Variants in ZNF99 observed in about 807,000 individuals in gnomAD.
The protein encoded by ZNF99 is zinc finger protein ENSP00000375192.
A neutral mutation model predicts 12.8 loss-of-function variants in ZNF99; 8 were observed. The observed-to-expected ratio is 0.62, with a 90% confidence interval of 0.37 to 1.13. The LOEUF (loss-of-function observed/expected upper bound fraction) is 1.13. Among genes scored for constraint, ZNF99 ranks in the 50% most tolerant of loss-of-function variants. The pLI, the probability that ZNF99 is intolerant of heterozygous loss-of-function variation, is 0.02. For missense variants in ZNF99, 1,007 were observed against 1,006.2 expected, an observed-to-expected ratio of 1.00 and a Z score of -0.01; for synonymous variants, 318 against 319.0, an observed-to-expected ratio of 1.00 and a Z score of 0.03.
chr19:22,782,657 T>A, intron 1 of ZNF99, among the ~76,000 whole-genome samples: 1 of 119,000 alleles, frequency 8.4e-6, no homozygotes, highest in Non-Finnish European at 1.7e-5. Context: ...CCACCGCACC[T>A]GGCCTTTTTT....
rs983602046 is a variant in ZNF99 at position 22,755,147 on chromosome 19, T to C, written c.*2167A>G. 4.4e-6 allele frequency: 1 copy of C among 229,464 alleles called. No homozygotes were observed. Among genetic ancestry groups the C allele is most frequent in the Admixed American group, 5.0e-5 (1 of 20,114 alleles). 14.2% of individuals were successfully genotyped at this position (229,464 alleles called of 1,614,324 possible). ...TTGTAGGGTTTCTCTCCCATTGAAT[T>C]ATGTTGTTTAGCAAGAGTTGAGGAC... On this transcript the variant is annotated 3_prime_UTR_variant, in exon 4 of 4. Transcript: ENST00000596209.
Position 22,754,807 on chromosome 19 carries a change from C to T in ZNF99, c.*2507G>A, listed in dbSNP as rs541758971. On this transcript the variant is annotated 3_prime_UTR_variant, in exon 4 of 4. Coordinates refer to ENST00000596209, the MANE Select transcript of ZNF99 (RefSeq NM_001080409.3). Reference sequence around the variant, plus strand: ...GAATTAGGCTGGGCACGGTGGCTCACGCCTTTAATCCCAGCACTTTGGGAG... The same window carrying T: ...GAATTAGGCTGGGCACGGTGGCTCATGCCTTTAATCCCAGCACTTTGGGAG... The T allele has an allele frequency of 5.0e-5, 10 of 198,232 alleles. No homozygotes were observed. The East Asian group carries it at 9.0e-4, about 18-fold the overall frequency. 12.3% of individuals were successfully genotyped at this position (198,232 alleles called of 1,614,324 possible). A position where few individuals can be genotyped will look rare whatever the true frequency, so the allele number is the denominator to read the frequency against.
Position 22,755,908 on chromosome 19 carries a change from A to G in ZNF99, c.*1406T>C. The G allele has an allele frequency of 2.9e-6, 1 of 346,280 alleles. No individual in the cohort carries two copies. The highest frequency in any genetic ancestry group is 4.1e-5 in the Admixed American group (1 of 24,690). The allele number at this position is 346,280 out of a possible 1,614,324, so 21.5% of individuals were successfully genotyped here. On this transcript the variant is annotated 3_prime_UTR_variant, in exon 4 of 4. Coordinates refer to ENST00000596209, the MANE Select transcript of ZNF99 (RefSeq NM_001080409.3). ...TTTAGGAATTCTCTCATTTTGAGTA[A>G]CAGCTGAGCAATGGTTAAAAGCTTT...
chr19:22,754,348 CAG>C lies in ZNF99; in HGVS notation c.*2964_*2965del. ...CACCATTGCACTCCAATTTGGGCGA[CAG>C]AGTGAGACTCCATTTCAAAAAAAAA... is the stretch of plus-strand genomic sequence containing the variant. On this transcript the variant is annotated 3_prime_UTR_variant, in exon 4 of 4. Transcript: ENST00000596209. The C allele has an allele frequency of 7.3e-6, 3 of 409,476 alleles. No homozygotes were observed. The highest frequency in any genetic ancestry group is 1.4e-5 in the Non-Finnish European group (3 of 210,280). The allele number at this position is 409,476 out of a possible 1,614,324, so 25.4% of individuals were successfully genotyped here. A position where few individuals can be genotyped will look rare whatever the true frequency, so the allele number is the denominator to read the frequency against.
intron 1 of ZNF99, among the ~76,000 whole-genome samples, chr19:22,775,356 T>A (rs1257164996): frequency 6.6e-6 from 1 of 152,180 alleles, no homozygotes; most frequent in Non-Finnish European, 1.5e-5. Context: ...CCTAGCAGTA[T>A]GTAGAAAATT....
chr19:22,758,461 C>T lies in ZNF99; in HGVS notation c.1448G>A (p.Cys483Tyr). The T allele has an allele frequency of 6.2e-7, 1 of 1,613,304 alleles. No individual in the cohort carries two copies. The highest frequency in any genetic ancestry group is 1.7e-5 in the Admixed American group (1 of 59,970). The change falls in exon 4 of 4, where the codon TGT becomes TAT. Residue 483 changes from cysteine (C) to tyrosine (Y), a missense_variant. Physicochemically the swap from Cys to Tyr is radical, Grantham distance 194. Transcript: ENST00000596209. ...CTTAAAAGCTTTACCACATTCTTCA[C>T]ATTTGTAGGGTTTCTCTCCAGTATG... ...IIHTGEKPYK[C>Y]EECGKAFKWS... is the part of the protein sequence containing the mutation.
Position 22,757,793 on chromosome 19 carries a change from T to G in ZNF99, c.2116A>C (p.Lys706Gln). The change falls in exon 4 of 4, where the codon AAA becomes CAA. Residue 706 changes from lysine to glutamine, a missense_variant. By Grantham distance (53) the Lys-to-Gln change is moderately conservative. Coordinates refer to ENST00000596209, the MANE Select transcript of ZNF99 (RefSeq NM_001080409.3). ...KIIHTGKKPY[K>Q]CEECGKAFSQ... is the part of the protein sequence containing the mutation. ...AAAGCTTTGCCACATTCTTCACATT[T>G]GTAGGGTTTCTTTCCAGTATGAATT... 1 of 1,613,048 alleles carries G rather than the reference T, an allele frequency of 6.2e-7. No individual in the cohort carries two copies.
Position 22,758,621 on chromosome 19 carries a change from A to G in ZNF99, c.1288T>C (p.Cys430Arg), listed in dbSNP as rs1286947269. 2 of 1,613,346 alleles carry G rather than the reference A, an allele frequency of 1.2e-6. No individual in the cohort carries two copies. Among genetic ancestry groups the G allele is most frequent in the Non-Finnish European group, 1.7e-6 (2 of 1,179,722 alleles). The change falls in exon 4 of 4, where the codon TGT becomes CGT. Residue 430 changes from cysteine to arginine, a missense_variant. Coordinates refer to ENST00000596209, the MANE Select transcript of ZNF99 (RefSeq NM_001080409.3). ...TAEKPCKCEE[C>R]GKAFKRFSAL... ...GAGAAACGCTTAAAAGCTTTGCCAC[A>G]TTCTTCACATTTGCAGGGTTTCTCT...
At chr19:22,774,934 C>A (rs1444488971) in intron 1 of ZNF99, among the ~76,000 whole-genome samples, 1 of 152,038 alleles carries the variant, frequency 6.6e-6, no homozygotes, top group Admixed American at 6.6e-5. Flanking sequence ...AATGGAAAAC[C>A]ATTTTATGCT....
At position 22,758,023 on chromosome 19, in the gene ZNF99, G is replaced by C. The variant is rs192661417; in HGVS notation, c.1886C>G (p.Ala629Gly). 1.0e-3 allele frequency: 1,617 copies of C among 1,610,556 alleles called. 8 individuals are homozygous for C. The African/African-American group carries it at 0.014, about 14-fold the overall frequency. The change falls in exon 4 of 4, where the codon GCT becomes GGT. Residue 629 changes from alanine (A) to glycine (G), a missense_variant. Ala to Gly is a moderately conservative substitution (Grantham distance 60). Coordinates refer to ENST00000596209, the MANE Select transcript of ZNF99 (RefSeq NM_001080409.3). ...KPYKCEECGKAFSQSSTLRKH... is the reference protein window; with the variant it reads ...KPYKCEECGKGFSQSSTLRKH... Reference sequence around the variant, plus strand: ...TCTAAGGGTTGAGGACTGGCTAAAAGCTTTGCCACATTCTTCACATTTGTA... The same window carrying C: ...TCTAAGGGTTGAGGACTGGCTAAAACCTTTGCCACATTCTTCACATTTGTA...
Position 22,758,150 on chromosome 19 carries a change from G to A in ZNF99, c.1759C>T (p.His587Tyr). The change falls in exon 4 of 4, where the codon CAT becomes TAT. Residue 587 changes from histidine (H) to tyrosine (Y), a missense_variant. Coordinates refer to ENST00000596209, the MANE Select transcript of ZNF99 (RefSeq NM_001080409.3). ...CATTTGTAGGGTTTCTCCCCAGTAT[G>A]AATTGCTTTATGTCTAGTAAGATGT... ...SSHLTRHKAI[H>Y]TGEKPYKCEE... 6.2e-7 allele frequency: 1 copy of A among 1,613,616 alleles called. No homozygotes were observed. Among genetic ancestry groups the A allele is most frequent in the Non-Finnish European group, 8.5e-7 (1 of 1,179,724 alleles).
intron 1 of ZNF99, among the ~76,000 whole-genome samples, chr19:22,771,543 C>T (rs1050475775): frequency 1.3e-4 from 20 of 151,756 alleles, no homozygotes; most frequent in African/African-American, 4.8e-4. Flanking sequence ...GCGTGAGCCA[C>T]CGGGCCCAGC....
At position 22,758,505 on chromosome 19, in the gene ZNF99, A is replaced by G; in HGVS notation, c.1404T>C (p.Leu468=). The G allele has an allele frequency of 6.2e-7, 1 of 1,613,144 alleles. No homozygotes were observed. Among genetic ancestry groups the G allele is most frequent in the Non-Finnish European group, 8.5e-7 (1 of 1,179,606 alleles). Residue 468 remains leucine (L), a synonymous_variant, in exon 4 of 4, where the codon CTT becomes CTC. Transcript: ENST00000596209. The part of the protein sequence containing the change: ...CSKAFSNFSA[L]RKHEIIHTGE... Reference sequence around the variant, plus strand: ...CAGTATGAATTATCTCATGTTTTCTAAGGGCTGAAAAATTGCTAAAAGCTT... The same window carrying G: ...CAGTATGAATTATCTCATGTTTTCTGAGGGCTGAAAAATTGCTAAAAGCTT...
intron 3 of ZNF99, among the ~76,000 whole-genome samples, chr19:22,766,345 T>C (rs546429956): frequency 6.9e-6 from 1 of 145,330 alleles, no homozygotes; most frequent in South Asian, 2.1e-4. Flanking sequence ...TCTTTTCTTT[T>C]CTTTTTTTTT....
intron 1 of ZNF99, among the ~76,000 whole-genome samples, chr19:22,779,105 C>T (rs1973359530): frequency 6.6e-6 from 1 of 152,134 alleles, no homozygotes. Flanking sequence ...CCTTTGTGTG[C>T]TCCAGGAACA....
At position 22,754,456 on chromosome 19, in the gene ZNF99, G is replaced by T; in HGVS notation, c.*2858C>A. 2.5e-6 allele frequency: 1 copy of T among 402,796 alleles called. No homozygotes were observed. The allele number at this position is 402,796 out of a possible 1,614,324, so 25.0% of individuals were successfully genotyped here. On this transcript the variant is annotated 3_prime_UTR_variant, in exon 4 of 4. Coordinates refer to ENST00000596209, the MANE Select transcript of ZNF99 (RefSeq NM_001080409.3). ...TCTTATGTGTAATAAGGGTTGAAAT[G>T]TTTTTAAAGCTTTTGTCACATTCTT... is the stretch of plus-strand genomic sequence containing the variant.
rs1973004767 is a variant in ZNF99 at position 22,753,771 on chromosome 19, A to G, written c.*3543T>C. 1 of 183,810 alleles carries G rather than the reference A, an allele frequency of 5.4e-6. No homozygotes were observed. Among genetic ancestry groups the G allele is most frequent in the East Asian group, 1.5e-4 (1 of 6,892 alleles). The allele number at this position is 183,810 out of a possible 1,614,324, so 11.4% of individuals were successfully genotyped here. A position where few individuals can be genotyped will look rare whatever the true frequency, so the allele number is the denominator to read the frequency against. On this transcript the variant is annotated 3_prime_UTR_variant, in exon 4 of 4. Transcript: ENST00000596209. Reference sequence around the variant, plus strand: ...GAGCAGATATTAATGGCTTTTCCACATTCTTCATAGGTGTACATTTTTTTT... The same window carrying G: ...GAGCAGATATTAATGGCTTTTCCACGTTCTTCATAGGTGTACATTTTTTTT...
rs1026258854 is a variant in ZNF99 at position 22,754,281 on chromosome 19, C to G, written c.*3033G>C. On this transcript the variant is annotated 3_prime_UTR_variant, in exon 4 of 4. Coordinates refer to ENST00000596209, the MANE Select transcript of ZNF99 (RefSeq NM_001080409.3). ...GCTTGGGAGGTTGAGGCCAGAGAAT[C>G]GCTTGAACCCAGGAGGCGGAGGTTG... The G allele has an allele frequency of 2.3e-6, 1 of 430,770 alleles. No individual in the cohort carries two copies. Among genetic ancestry groups the G allele is most frequent in the African/African-American group, 2.1e-5 (1 of 48,540 alleles). The allele number at this position is 430,770 out of a possible 1,614,324, so 26.7% of individuals were successfully genotyped here.
chr19:22,779,621 A>T (rs1568388807), intron 1 of ZNF99, among the ~76,000 whole-genome samples: 1 of 152,216 alleles, frequency 6.6e-6, no homozygotes, highest in Non-Finnish European at 1.5e-5. Flanking sequence ...ACTTATTTAA[A>T]CAGGCTTCTG....
Sources: allele counts gnomAD v4.1 joint callset (sites outside exome capture counted in the v4.1 genomes callset), GRCh38; gene constraint gnomAD v4.1.1; transcripts MANE v1.5; gene names NCBI Gene and HGNC (gene_info 2026-07-23, HGNC 2026-07-21).